Variants in TTC7A observed in about 807,000 individuals in gnomAD.
TTC7A encodes tetratricopeptide repeat protein 7A.
Under a neutral mutation model 103.7 loss-of-function variants are expected in TTC7A, and 110 were observed. That is an observed-to-expected ratio of 1.06 (90% CI 0.91 to 1.24). The LOEUF is 1.24. Ranked by LOEUF, TTC7A falls within the 50% of genes most tolerant of loss-of-function variation. The pLI is 0.00. For missense variants in TTC7A, 1,340 were observed against 1,116.3 expected, an observed-to-expected ratio of 1.20 and a Z score of -2.86; for synonymous variants, 521 against 467.9, an observed-to-expected ratio of 1.11 and a Z score of -1.47.
At chr2:46,977,219 C>T (rs939191542) in intron 4 of TTC7A, among the ~76,000 whole-genome samples, 1 of 152,148 alleles carries the variant, frequency 6.6e-6, no homozygotes, top group African/African-American at 2.4e-5. Flanking sequence ...AGTGGGCAGA[C>T]AAATGGGACC....
rs760257069 is a variant in TTC7A, at chr2:47,073,837, G to T, written c.2491G>T (p.Ala831Ser). ...EVLQAQGQNE[A>S]AVDCFLTALE... The stretch of plus-strand genomic sequence containing the variant: ...GCTGCAGGCCCAGGGCCAGAACGAG[G>T]CTGCCGTTGACTGCTTCCTCACCGC... Residue 831 changes from alanine (A) to serine (S), a missense_variant, in exon 20 of 20, where the codon GCT (alanine) becomes TCT (serine). By Grantham distance (99) the Ala-to-Ser change is moderately conservative. Transcript: ENST00000319190. 6.2e-7 allele frequency: 1 copy of T among 1,613,704 alleles called. No homozygotes were observed. Among genetic ancestry groups the T allele is most frequent in the Non-Finnish European group, 8.5e-7 (1 of 1,180,026 alleles).
At chr2:46,937,680 C>G (rs564776235), upstream of TTC7A, among the ~76,000 whole-genome samples, 2 of 152,290 alleles carry the variant, frequency 1.3e-5, no homozygotes, top group East Asian at 1.9e-4. This position sits in a 1 kb window ranked among gnomAD's most constrained non-coding sequence, Gnocchi z 4.0. Context: ...TCAAGTGATT[C>G]TCCCACCTCC....
chr2:46,953,141 A>G (rs1179598299), intron 2 of TTC7A, among the ~76,000 whole-genome samples: 1 of 152,192 alleles, frequency 6.6e-6, no homozygotes, highest in Non-Finnish European at 1.5e-5. Context: ...GTAAAATAAT[A>G]TATTAAATGT....
chr2:46,993,699 G>T (rs572542341), intron 6 of TTC7A, among the ~76,000 whole-genome samples, 171 bp downstream of exon 6: 32 of 152,176 alleles, frequency 2.1e-4, no homozygotes, highest in Non-Finnish European at 4.4e-4. Flanking sequence ...CCAGGGAGGT[G>T]CGGCCTCTTT....
chr2:46,983,621 G>A (rs955605951), intron 5 of TTC7A, among the ~76,000 whole-genome samples: 5 of 152,226 alleles, frequency 3.3e-5, no homozygotes, highest in African/African-American at 9.6e-5. Flanking sequence ...AGCCCGGCAC[G>A]GACCTGGGGC....
rs2304287 is a variant in TTC7A at position 47,049,904 on chromosome 2, C to G, written c.1920-45C>G. On this transcript the variant is annotated intron_variant, in intron 16 of 19. Coordinates refer to ENST00000319190, the MANE Select transcript of TTC7A (RefSeq NM_020458.4). ...CTCTACCTCACTGGGCCCTGTGATGCTAGCCCTCTACCTTACCGGACCCTG... is the reference window on the plus strand; with the variant it reads ...CTCTACCTCACTGGGCCCTGTGATGGTAGCCCTCTACCTTACCGGACCCTG... 0.22 allele frequency: 323,428 copies of G among 1,478,440 alleles called. 36,643 individuals carry two copies. The highest frequency in any genetic ancestry group is 0.24 in the Admixed American group (13,888 of 58,628). 91.6% of individuals were successfully genotyped at this position (1,478,440 alleles called of 1,614,324 possible).
intron 19 of TTC7A, chr2:47,068,290 G>A (rs1684351345): frequency 6.6e-6 from 1 of 152,222 alleles, no homozygotes; most frequent in African/African-American, 2.4e-5. Context: ...AGGGTACCGG[G>A]TTCCTGGGGC....
At chr2:46,980,678 G>A (rs1463892516) in intron 5 of TTC7A, among the ~76,000 whole-genome samples, 2 of 152,202 alleles carry the variant, frequency 1.3e-5, no homozygotes, top group African/African-American at 4.8e-5. Flanking sequence ...AGGGGAAATG[G>A]AAGGAGTCTG....
chr2:46,989,490 T>C (rs1019637385), intron 5 of TTC7A, among the ~76,000 whole-genome samples: 1 of 152,196 alleles, frequency 6.6e-6, no homozygotes, highest in Non-Finnish European at 1.5e-5. Flanking sequence ...TGCAGAGCCC[T>C]GGAGAAGCCC....
At chr2:46,943,907 A>T (rs944429188) in intron 1 of TTC7A, among the ~76,000 whole-genome samples, 2 of 152,216 alleles carry the variant, frequency 1.3e-5, no homozygotes, top group Non-Finnish European at 2.9e-5. Flanking sequence ...CCTCCTACCC[A>T]GAGGTAGATT....
rs879889384 is a variant in TTC7A at position 47,006,189 on chromosome 2, CA to C, written c.1203+132del. The stretch of plus-strand genomic sequence containing the variant: ...GGCTGCTCTGCCGCTTTGACCTCGG[CA>C]AGTTGTACAAGTCTCAGCTTCCTCA... On this transcript the variant is annotated intron_variant, in intron 9 of 19. Coordinates refer to ENST00000319190, the MANE Select transcript of TTC7A (RefSeq NM_020458.4). 83,058 of 1,228,370 alleles carry C rather than the reference CA, an allele frequency of 0.068. 3,223 individuals carry two copies. The highest frequency in any genetic ancestry group is 0.099 in the Admixed American group (4,165 of 41,978). The allele number at this position is 1,228,370 out of a possible 1,614,324, so 76.1% of individuals were successfully genotyped here. A position where few individuals can be genotyped will look rare whatever the true frequency, so the allele number is the denominator to read the frequency against.
rs184208930 is a variant in TTC7A at position 47,072,465 on chromosome 2, T to C, written c.2356-1237T>C. Among the ~76,000 whole-genome samples the C allele has an allele frequency of 2.6e-4, 39 of 152,352 alleles. No individual in the cohort carries two copies. In the East Asian group the frequency reaches 7.5e-3, roughly 29 times the overall value. ...ACCGAACTGGTTGTGTTCCAAGCTC[T>C]CCGAGGACTTGATGAAACCAGGCAT... On this transcript the variant is annotated intron_variant, in intron 19 of 19. Coordinates refer to ENST00000319190, the MANE Select transcript of TTC7A (RefSeq NM_020458.4).
At chr2:46,934,691 A>G (rs1340311365) in intron 2 of TTC7A, among the ~76,000 whole-genome samples, 1 of 151,950 alleles carries the variant, frequency 6.6e-6, no homozygotes, top group East Asian at 1.9e-4. Context: ...TCTCAAAAAC[A>G]AAAACAAACA....
chr2:47,058,639 T>A (rs1400962919), intron 18 of TTC7A, among the ~76,000 whole-genome samples: 3 of 152,208 alleles, frequency 2.0e-5, no homozygotes, highest in African/African-American at 7.2e-5. Context: ...GCGTTCCTCA[T>A]CTGTGTCTTG....
chr2:46,986,825 G>C (rs1001666096), intron 5 of TTC7A, among the ~76,000 whole-genome samples: 2 of 152,222 alleles, frequency 1.3e-5, no homozygotes, highest in African/African-American at 2.4e-5. Context: ...CTAATTTAAA[G>C]AGTGTGCTGT....
intron 6 of TTC7A, 54 bp from the exon 7 acceptor site, chr2:46,994,303 G>C: frequency 6.4e-7 from 1 of 1,570,256 alleles, no homozygotes; most frequent in Non-Finnish European, 8.6e-7. Context: ...TCTAGGTCAT[G>C]CTGGGGTAGA....
chr2:46,976,215 G>A (rs577107090), intron 4 of TTC7A, among the ~76,000 whole-genome samples: 18 of 152,326 alleles, frequency 1.2e-4, no homozygotes, highest in African/African-American at 4.3e-4. Flanking sequence ...CACACTGACT[G>A]GATGAAATCG....
chr2:47,032,998 A>C (rs1680731307), intron 15 of TTC7A, among the ~76,000 whole-genome samples: 1 of 151,950 alleles, frequency 6.6e-6, no homozygotes, highest in South Asian at 2.1e-4. Context: ...TATGACCATT[A>C]TCTCTTTGTA....
chr2:47,069,498 C>A (rs1012061886), intron 19 of TTC7A, among the ~76,000 whole-genome samples: 3 of 152,128 alleles, frequency 2.0e-5, no homozygotes, highest in African/African-American at 7.2e-5. Flanking sequence ...GCCCAGGGGG[C>A]TCTGGGGTGA....
Sources: allele counts gnomAD v4.1 joint callset (sites outside exome capture counted in the v4.1 genomes callset), GRCh38; gene constraint gnomAD v4.1.1; non-coding constraint Gnocchi (gnomAD v3.1); transcripts MANE v1.5; gene names NCBI Gene and HGNC (gene_info 2026-07-23, HGNC 2026-07-21).